CNGA3: variants seen among roughly 807,000 people sequenced by gnomAD.
CNGA3 encodes the protein cyclic nucleotide gated channel subunit alpha 3.
In CNGA3, 42 loss-of-function variants were observed where a neutral mutation model predicts 46.6. That is an observed-to-expected ratio of 0.90 (90% CI 0.70 to 1.17). CNGA3 has a LOEUF of 1.17. CNGA3 is among the 50% of genes most tolerant of loss of function. CNGA3 has a pLI of 0.00. For missense variants in CNGA3, 893 were observed against 890.7 expected, an observed-to-expected ratio of 1.00 and a Z score of -0.03; for synonymous variants, 394 against 369.4, an observed-to-expected ratio of 1.07 and a Z score of -0.76.
At chr2:98,384,308 T>C (rs979266704) in intron 5 of CNGA3, among the ~76,000 whole-genome samples, 23 of 152,110 alleles carry the variant, frequency 1.5e-4, no homozygotes, top group African/African-American at 5.3e-4. Flanking sequence ...CTGCTATAAT[T>C]CCTTTTTCCA....
intron 2 of CNGA3, among the ~76,000 whole-genome samples, chr2:98,373,354 T>A (rs1468450039): frequency 6.6e-6 from 1 of 152,230 alleles, no homozygotes; most frequent in Non-Finnish European, 1.5e-5. Context: ...TAGAAAGCTT[T>A]ATGAGACAAA....
At chr2:98,354,013 A>G (rs1691824303) in intron 1 of CNGA3, among the ~76,000 whole-genome samples, 1 of 152,160 alleles carries the variant, frequency 6.6e-6, no homozygotes, top group South Asian at 2.1e-4. Context: ...ACAAGGCTCC[A>G]CCTCCAACAT....
rs187561815 is a variant in CNGA3 at position 98,365,059 on chromosome 2, T to C, written c.-37-4880T>C. ...GCCCTTAACATTTTTTTTTTTTCAG[T>C]TGGGGTCCTGCTCTGTCACCCAGGC... is the stretch of plus-strand genomic sequence containing the variant. On this transcript the variant is annotated intron_variant, in intron 1 of 7. Transcript: ENST00000272602. 3.5e-3 allele frequency among the ~76,000 whole-genome samples: 525 copies of C among 150,970 alleles called. 6 individuals are homozygous for C. Among genetic ancestry groups the C allele is most frequent in the African/African-American group, 0.012 (491 of 40,952 alleles).
intron 3 of CNGA3, 73 bp from the exon 4 acceptor site, chr2:98,380,102 G>C (rs1692501829): frequency 6.5e-7 from 1 of 1,531,902 alleles, no homozygotes; most frequent in African/African-American, 1.4e-5. Flanking sequence ...AAGAGAGAGA[G>C]GGAAAGACTG....
At chr2:98,370,460 G>A (rs1270861154) in intron 2 of CNGA3, among the ~76,000 whole-genome samples, 2 of 152,240 alleles carry the variant, frequency 1.3e-5, no homozygotes, top group African/African-American at 4.8e-5. Flanking sequence ...TGGGTTTGCA[G>A]TCTGAGCTGG....
intron 7 of CNGA3, among the ~76,000 whole-genome samples, chr2:98,395,064 A>G (rs1692876738): frequency 2.6e-5 from 4 of 152,134 alleles, no homozygotes; most frequent in Admixed American, 2.6e-4. Flanking sequence ...CCTCTTTGGA[A>G]AAAGCACAGG....
chr2:98,375,012 C>T (rs979625461), intron 2 of CNGA3, among the ~76,000 whole-genome samples: 1 of 152,250 alleles, frequency 6.6e-6, no homozygotes, highest in Admixed American at 6.5e-5. Flanking sequence ...GAATACTCAG[C>T]CTGCAGGTGC....
chr2:98,384,053 G>GT (rs926537072), intron 5 of CNGA3, among the ~76,000 whole-genome samples: 1 of 151,862 alleles, frequency 6.6e-6, no homozygotes, highest in African/African-American at 2.4e-5. Flanking sequence ...CACCCGGCTA[G>GT]TTTTTTTGTA....
rs1369254057 is a variant in CNGA3, at chr2:98,367,176, C to CCT, written c.-37-2763_-37-2762insCT. ...ACCTCTGACATCAGCTGTTTTTTTT[C>CCT]TTTTTTTTCTTTTTTTTTTTTTTTT... is the stretch of plus-strand genomic sequence containing the variant. On this transcript the variant is annotated intron_variant, in intron 1 of 7. Coordinates refer to ENST00000272602, the MANE Select transcript of CNGA3 (RefSeq NM_001298.3). 2.3e-4 allele frequency among the ~76,000 whole-genome samples: 27 copies of CCT among 115,532 alleles called. 1 individual carries two copies. Among genetic ancestry groups the CCT allele is most frequent in the Non-Finnish European group, 3.0e-4 (17 of 56,312 alleles). 75.8% of individuals were successfully genotyped at this position (115,532 alleles called of 152,430 possible).
intron 2 of CNGA3, among the ~76,000 whole-genome samples, chr2:98,375,872 T>C (rs1027672206): frequency 1.3e-5 from 2 of 152,212 alleles, no homozygotes; most frequent in South Asian, 4.1e-4. Flanking sequence ...GGCTATGGGA[T>C]CTCGGTGAAG....
intron 2 of CNGA3, among the ~76,000 whole-genome samples, chr2:98,376,672 T>A (rs1574374738): frequency 6.6e-6 from 1 of 152,142 alleles, no homozygotes; most frequent in African/African-American, 2.4e-5. Flanking sequence ...AGCTTTTCCC[T>A]GGTATTAATT....
At position 98,367,281 on chromosome 2, in the gene CNGA3, G is replaced by A. The variant is rs556499610; in HGVS notation, c.-37-2658G>A. Reference sequence around the variant, plus strand: ...GCGATCTCGGCTCACCGCAAGCTCCGCCTCCCGGGTTCACACCATTCTCCT... The same window carrying A: ...GCGATCTCGGCTCACCGCAAGCTCCACCTCCCGGGTTCACACCATTCTCCT... On this transcript the variant is annotated intron_variant, in intron 1 of 7. Transcript: ENST00000272602. Among the ~76,000 whole-genome samples, 6 of 147,324 alleles carry A rather than the reference G, an allele frequency of 4.1e-5. No homozygotes were observed. The South Asian group carries it at 6.6e-4, about 16-fold the overall frequency.
rs759715897 is a variant in CNGA3, at chr2:98,377,735, C to T, written c.150C>T (p.Ile50=). The change falls in exon 3 of 8, where the codon ATC becomes ATT. Residue 50 remains isoleucine (I), a synonymous_variant. Coordinates refer to ENST00000272602, the MANE Select transcript of CNGA3 (RefSeq NM_001298.3). ...EETSSVLQPG[I]AMETRGLADS... is the part of the protein sequence containing the mutation. ...CATCGTCAGTGCTGCAGCCGGGGAT[C>T]GCCATGGAGACCAGAGGACTGGCTG... 7.7e-5 allele frequency: 124 copies of T among 1,613,304 alleles called. No homozygotes were observed. Among genetic ancestry groups the T allele is most frequent in the Admixed American group, 6.7e-4 (40 of 59,996 alleles).
At chr2:98,364,680 AG>A (rs1692106393) in intron 1 of CNGA3, among the ~76,000 whole-genome samples, 1 of 152,216 alleles carries the variant, frequency 6.6e-6, no homozygotes, top group East Asian at 1.9e-4. Flanking sequence ...GTTATTTTGC[AG>A]GCTTGTTGAG....
At chr2:98,394,441 A>G (rs1466361674) in intron 7 of CNGA3, among the ~76,000 whole-genome samples, 2 of 152,178 alleles carry the variant, frequency 1.3e-5, no homozygotes, top group African/African-American at 4.8e-5. Context: ...TGACTGGTGA[A>G]ATCAATTTGG....
rs577135120 is a variant in CNGA3 at position 98,370,732 on chromosome 2, A to G, written c.101+656A>G. Reference sequence around the variant, plus strand: ...CATGCCTCAATTTCTTCACAATGAAACAGCATTTTTTCCAAGCTCCTGGTA... The same window carrying G: ...CATGCCTCAATTTCTTCACAATGAAGCAGCATTTTTTCCAAGCTCCTGGTA... On this transcript the variant is annotated intron_variant, in intron 2 of 7. Coordinates refer to ENST00000272602, the MANE Select transcript of CNGA3 (RefSeq NM_001298.3). Among the ~76,000 whole-genome samples the G allele has an allele frequency of 3.3e-5, 5 of 152,370 alleles. 1 individual carries two copies. In the South Asian group the frequency reaches 6.2e-4, roughly 19 times the overall value.
intron 3 of CNGA3, 65 bp downstream of exon 3, chr2:98,377,865 C>T: frequency 6.8e-7 from 1 of 1,466,832 alleles, no homozygotes; most frequent in Non-Finnish European, 9.3e-7. Flanking sequence ...AAGGTAGTGA[C>T]CTCTCAGGAA....
chr2:98,378,331 A>C (rs1692460393), intron 3 of CNGA3: 1 of 1,106,744 alleles, frequency 9.0e-7, no homozygotes, highest in African/African-American at 1.6e-5. Flanking sequence ...CATCCTGAGG[A>C]AGTCATTTCA....
In CNGA3 at chr2:98,378,423, G is replaced by A. The variant is rs529038327; in HGVS notation, c.215+623G>A. 9.0e-4 allele frequency among the ~76,000 whole-genome samples: 137 copies of A among 152,258 alleles called. 1 individual carries two copies. The highest frequency in any genetic ancestry group is 2.9e-3 in the African/African-American group (120 of 41,542). ...GAAAGCTGCTTCAGAGCCAAGCACC[G>A]ACTCACGGCAGGTGCTCAACAAACA... On this transcript the variant is annotated intron_variant, in intron 3 of 7. Coordinates refer to ENST00000272602, the MANE Select transcript of CNGA3 (RefSeq NM_001298.3).
Sources: allele counts gnomAD v4.1 joint callset (sites outside exome capture counted in the v4.1 genomes callset), GRCh38; gene constraint gnomAD v4.1.1; transcripts MANE v1.5; gene names NCBI Gene and HGNC (gene_info 2026-07-23, HGNC 2026-07-21).